ZBTB7C: variants seen among roughly 807,000 people sequenced by gnomAD.
ZBTB7C encodes zinc finger and BTB domain containing 7C, also known as zinc finger and BTB domain-containing protein 7C.
Under a neutral mutation model 25.7 loss-of-function variants are expected in ZBTB7C, and 8 were observed. The observed-to-expected ratio is 0.31, with a 90% CI of 0.18 to 0.56. The LOEUF is 0.56. Ranked by LOEUF, ZBTB7C falls within the 20% of genes least tolerant of loss-of-function variation. ZBTB7C has a pLI of 0.91. For missense variants in ZBTB7C, 824 were observed against 855.2 expected (o/e 0.96, Z 0.46); for synonymous variants, 394 against 369.0 (o/e 1.07, Z -0.78).
chr18:48,190,971 G>T (rs2042179915), intron 2 of ZBTB7C, among the ~76,000 whole-genome samples: 1 of 152,186 alleles, frequency 6.6e-6, no homozygotes, highest in Non-Finnish European at 1.5e-5. Flanking sequence ...GTCTCTTTTG[G>T]GGAAAACAAG....
At chr18:48,061,655 G>C (rs1322008198) in intron 3 of ZBTB7C, among the ~76,000 whole-genome samples, 2 of 152,200 alleles carry the variant, frequency 1.3e-5, no homozygotes, top group African/African-American at 4.8e-5. Context: ...CCCAGGGTTG[G>C]GGTACAGCCA....
intron 1 of ZBTB7C, among the ~76,000 whole-genome samples, chr18:48,349,256 G>A (rs1444651928): frequency 6.6e-6 from 1 of 152,194 alleles, no homozygotes; most frequent in African/African-American, 2.4e-5. Context: ...TTTCCAATAT[G>A]AAATGGGCAT....
intron 3 of ZBTB7C, among the ~76,000 whole-genome samples, chr18:48,115,568 AACAC>A (rs903255106): frequency 5.3e-5 from 8 of 151,012 alleles, no homozygotes; most frequent in African/African-American, 1.5e-4. Context: ...CACACACACA[AACAC>A]ACACACACAC....
chr18:48,260,806 C>T (rs1420373756), intron 2 of ZBTB7C, among the ~76,000 whole-genome samples: 1 of 152,216 alleles, frequency 6.6e-6, no homozygotes, highest in Admixed American at 6.5e-5. Context: ...TTGCTCCTGG[C>T]AGCAAAGCCT....
intron 3 of ZBTB7C, among the ~76,000 whole-genome samples, chr18:48,087,953 C>G (rs2038258060): frequency 6.6e-6 from 1 of 151,586 alleles, no homozygotes; most frequent in Non-Finnish European, 1.5e-5. Flanking sequence ...AAAGCTAGTG[C>G]TTACTTTTGA....
At chr18:48,365,820 G>T (rs2145126732) in intron 1 of ZBTB7C, among the ~76,000 whole-genome samples, 1 of 152,292 alleles carries the variant, frequency 6.6e-6, no homozygotes, top group East Asian at 1.9e-4. Context: ...CAAAAACTAG[G>T]CCATAATAGT....
At chr18:48,156,838 G>A (rs533868309) in intron 3 of ZBTB7C, among the ~76,000 whole-genome samples, 1 of 149,536 alleles carries the variant, frequency 6.7e-6, no homozygotes, top group Non-Finnish European at 1.5e-5. Flanking sequence ...TTTTTTCCCC[G>A]AGAGCGAGTG....
chr18:48,241,302 A>C (rs146979213), intron 2 of ZBTB7C, among the ~76,000 whole-genome samples: 1 of 152,340 alleles, frequency 6.6e-6, no homozygotes, highest in African/African-American at 2.4e-5. Flanking sequence ...TTCAAGACAG[A>C]AAGTCAACAA....
chr18:48,061,651 G>A (rs941312083), intron 3 of ZBTB7C, among the ~76,000 whole-genome samples: 9 of 152,232 alleles, frequency 5.9e-5, no homozygotes, highest in African/African-American at 2.2e-4. Context: ...ATCACCCAGG[G>A]TTGGGGTACA....
chr18:48,050,931 GAATT>G (rs2036661017), intron 3 of ZBTB7C, among the ~76,000 whole-genome samples: 1 of 152,108 alleles, frequency 6.6e-6, no homozygotes, highest in Non-Finnish European at 1.5e-5. Flanking sequence ...TGTACATAAG[GAATT>G]ATTTTGCCTA....
At chr18:48,269,616 CA>C (rs1352121588) in intron 2 of ZBTB7C, among the ~76,000 whole-genome samples, 1 of 152,190 alleles carries the variant, frequency 6.6e-6, no homozygotes, top group Non-Finnish European at 1.5e-5. Flanking sequence ...ATGAAAGCAC[CA>C]TGCTCAAAGT....
intron 1 of ZBTB7C, among the ~76,000 whole-genome samples, chr18:48,372,728 T>C (rs1208655043): frequency 1.3e-5 from 2 of 152,148 alleles, no homozygotes; most frequent in African/African-American, 4.8e-5. Context: ...GACTGTCTCC[T>C]GGCCCTTTCT....
At chr18:48,201,724 C>G (rs979389838) in intron 2 of ZBTB7C, among the ~76,000 whole-genome samples, 1 of 152,138 alleles carries the variant, frequency 6.6e-6, no homozygotes, top group African/African-American at 2.4e-5. Context: ...CAGAAAAATA[C>G]TATAATGAAC....
intron 3 of ZBTB7C, among the ~76,000 whole-genome samples, chr18:48,102,564 C>CAAA (rs58790347): frequency 3.1e-5 from 3 of 95,606 alleles, no homozygotes; most frequent in African/African-American, 4.2e-5. Flanking sequence ...GATCCTCCCT[C>CAAA]AAAAAAAAAA....
At chr18:48,074,645 C>T (rs367688095) in intron 3 of ZBTB7C, among the ~76,000 whole-genome samples, 2 of 152,236 alleles carry the variant, frequency 1.3e-5, no homozygotes, top group South Asian at 4.1e-4. Flanking sequence ...CAATTGCAGA[C>T]AGCACTCTGG....
At chr18:48,126,712 A>G (rs919037393) in intron 3 of ZBTB7C, among the ~76,000 whole-genome samples, 1 of 152,096 alleles carries the variant, frequency 6.6e-6, no homozygotes, top group African/African-American at 2.4e-5. Flanking sequence ...AGGGGGGAGG[A>G]CCAGAGCTCT....
At chr18:48,103,032 T>C (rs150067669) in intron 3 of ZBTB7C, among the ~76,000 whole-genome samples, 2,064 of 147,272 alleles carry the variant, frequency 0.014, 45 homozygotes, top group African/African-American at 0.047. Context: ...ATATTATATA[T>C]ATATATTTTA....
chr18:48,059,479 C>T (rs1227286146), intron 3 of ZBTB7C, among the ~76,000 whole-genome samples: 1 of 152,172 alleles, frequency 6.6e-6, no homozygotes, highest in African/African-American at 2.4e-5. Context: ...CTACAACTCA[C>T]TGGCACACTG....
At chr18:48,266,628 A>C (rs981102540) in intron 2 of ZBTB7C, among the ~76,000 whole-genome samples, 1 of 152,214 alleles carries the variant, frequency 6.6e-6, no homozygotes, top group Non-Finnish European at 1.5e-5. Flanking sequence ...TGAGCTGTCC[A>C]CACAACCCCC....
Sources: gnomAD v4.1 joint callset for allele counts (sites outside exome capture counted in the v4.1 genomes callset) on GRCh38, gnomAD v4.1.1 for gene constraint, MANE v1.5 for transcripts, NCBI Gene and HGNC (gene_info 2026-07-23, HGNC 2026-07-21) for gene names.